Variants in CACNA1I observed in about 807,000 individuals in gnomAD.
CACNA1I encodes the protein voltage-dependent T-type calcium channel subunit alpha-1I.
In CACNA1I, 74 loss-of-function variants were observed where a neutral mutation model predicts 201.6. The ratio of observed to expected loss-of-function variants is 0.37; its 90% CI spans 0.30 to 0.45. CACNA1I has a LOEUF of 0.45. Ranked by LOEUF, CACNA1I falls within the 20% of genes least tolerant of loss-of-function variation. The pLI is 1.00. For missense variants in CACNA1I, 2,346 were observed against 3,138.1 expected (o/e 0.75, Z 6.03); for synonymous variants, 1,431 against 1,345.2 (o/e 1.06, Z -1.40).
At chr22:39,660,106 C>A (rs934567166) in intron 14 of CACNA1I, among the ~76,000 whole-genome samples, 1 of 152,154 alleles carries the variant, frequency 6.6e-6, no homozygotes, top group Non-Finnish European at 1.5e-5. Context: ...CGAAATCCCC[C>A]AAGATTAGGG....
In CACNA1I at chr22:39,634,584, C is replaced by T. The variant is rs1418721578; in HGVS notation, c.600C>T (p.Asn200=). Residue 200 remains asparagine, a synonymous_variant, in exon 5 of 37, where the codon AAC becomes AAT. Coordinates refer to ENST00000402142, the MANE Select transcript of CACNA1I (RefSeq NM_021096.4). ...NRVPSMRILV[N]LLLDTLPMLG... ...TCCCAGGTATGCGGATCCTGGTGAA[C>T]CTGCTCCTGGACACACTGCCCATGC... 6 of 1,613,818 alleles carry T rather than the reference C, an allele frequency of 3.7e-6. No individual in the cohort carries two copies. The Admixed American group carries it at 5.0e-5, about 13-fold the overall frequency.
In CACNA1I at chr22:39,572,100, G is replaced by T. The variant is rs529888106; in HGVS notation, c.236+1112G>T. ...AGGTGAGGCTGCAGGTGTGGCGGGAGCCCTGCAGGGCCTTGGAGGCTGCAT... is the reference window on the plus strand; with the variant it reads ...AGGTGAGGCTGCAGGTGTGGCGGGATCCCTGCAGGGCCTTGGAGGCTGCAT... On this transcript the variant is annotated intron_variant, in intron 1 of 36. Coordinates refer to ENST00000402142, the MANE Select transcript of CACNA1I (RefSeq NM_021096.4). Among the ~76,000 whole-genome samples the T allele has an allele frequency of 5.9e-5, 9 of 152,256 alleles. No individual in the cohort carries two copies. The South Asian group carries it at 1.5e-3, about 25-fold the overall frequency.
At chr22:39,660,877 A>G (rs1008302525) in intron 15 of CACNA1I, among the ~76,000 whole-genome samples, 3 of 152,138 alleles carry the variant, frequency 2.0e-5, no homozygotes, top group African/African-American at 7.2e-5. Flanking sequence ...TTCTGAGCAC[A>G]GAAGGCAAGG....
At chr22:39,599,422 A>G (rs1932971505) in intron 2 of CACNA1I, among the ~76,000 whole-genome samples, 1 of 140,612 alleles carries the variant, frequency 7.1e-6, no homozygotes, top group African/African-American at 2.6e-5. Flanking sequence ...GATCGAGACC[A>G]TCCCGGCTAA....
At chr22:39,619,438 C>T (rs371723205) in intron 4 of CACNA1I, 31 bp downstream of exon 4, 1 of 1,542,184 alleles carries the variant, frequency 6.5e-7, no homozygotes, top group Non-Finnish European at 8.9e-7. Context: ...CCACACATTC[C>T]TGGCTGATCC....
rs745960699 is a variant in CACNA1I, at chr22:39,619,368, C to T, written c.541C>T (p.Arg181Cys). 2.5e-6 allele frequency: 4 copies of T among 1,609,582 alleles called. No homozygotes were observed. Among genetic ancestry groups the T allele is most frequent in the Non-Finnish European group, 3.4e-6 (4 of 1,179,746 alleles). Residue 181 changes from arginine (R) to cysteine (C), a missense_variant, in exon 4 of 37, where the codon CGC becomes TGC. Around this residue, in one of 13 missense-constraint regions of CACNA1I, gnomAD observed 227 missense variants for 412.5 expected, o/e 0.55. Coordinates refer to ENST00000402142, the MANE Select transcript of CACNA1I (RefSeq NM_021096.4). ...NINLSAIRTV[R>C]VLRPLKAINR... ...CAACCTGTCAGCCATCCGCACCGTG[C>T]GCGTCCTGAGGCCCCTCAAAGCCAT...
Position 39,662,128 on chromosome 22 carries a change from C to T in CACNA1I, c.3065C>T (p.Ala1022Val), listed in dbSNP as rs1328512969. 6.6e-7 allele frequency: 1 copy of T among 1,526,620 alleles called. No homozygotes were observed. The highest frequency in any genetic ancestry group is 8.8e-7 in the Non-Finnish European group (1 of 1,140,978). The allele number at this position is 1,526,620 out of a possible 1,614,324, so 94.6% of individuals were successfully genotyped here. ...GGGARVCEVA[A>V]DEGPPRAAPL... ...GGCGCCCGGGTCTGCGAGGTTGCCG[C>T]GGACGAGGGGCCGCCGCGGGCCGCA... The change falls in exon 17 of 37, where the codon GCG becomes GTG. Residue 1022 changes from alanine (A) to valine (V), a missense_variant. Coordinates refer to ENST00000402142, the MANE Select transcript of CACNA1I (RefSeq NM_021096.4).
intron 4 of CACNA1I, among the ~76,000 whole-genome samples, chr22:39,619,736 C>A (rs1275372618): frequency 6.6e-6 from 1 of 152,088 alleles, no homozygotes; most frequent in African/African-American, 2.4e-5. Context: ...AAGGCAAGCA[C>A]CCATAGGAAA....
chr22:39,598,617 A>G (rs1263720921), intron 2 of CACNA1I, among the ~76,000 whole-genome samples: 1 of 151,732 alleles, frequency 6.6e-6, no homozygotes, highest in Non-Finnish European at 1.5e-5. Context: ...TGCACCCGCC[A>G]CATGCACACC....
chr22:39,665,046 C>A lies in CACNA1I; in HGVS notation c.3851+123C>A, dbSNP rs1157452889. Reference sequence around the variant, plus strand: ...CACTCGGTCCTCCAATAGTGAGTGCCAAACACCCTGAGCTGTTCCCGGGGG... The same window carrying A: ...CACTCGGTCCTCCAATAGTGAGTGCAAAACACCCTGAGCTGTTCCCGGGGG... On this transcript the variant is annotated intron_variant, in intron 21 of 36. Coordinates refer to ENST00000402142, the MANE Select transcript of CACNA1I (RefSeq NM_021096.4). This position sits in a 1 kb window ranked among gnomAD's most constrained non-coding sequence, Gnocchi z 5.5. The A allele has an allele frequency of 1.0e-5, 9 of 892,980 alleles. No individual in the cohort carries two copies. Among genetic ancestry groups the A allele is most frequent in the African/African-American group, 1.6e-5 (1 of 60,642 alleles). 55.3% of individuals were successfully genotyped at this position (892,980 alleles called of 1,614,324 possible).
intron 17 of CACNA1I, 74 bp from the exon 18 acceptor site, chr22:39,662,702 G>C: frequency 8.9e-7 from 1 of 1,128,378 alleles, no homozygotes; most frequent in Non-Finnish European, 1.3e-6. Flanking sequence ...CCCAGTTGGC[G>C]CGATGGCCGC....
In CACNA1I at chr22:39,664,725, C is replaced by A; in HGVS notation, c.3667-14C>A. 6.8e-7 allele frequency: 1 copy of A among 1,480,718 alleles called. No individual in the cohort carries two copies. The highest frequency in any genetic ancestry group is 2.4e-5 in the East Asian group (1 of 41,892). The allele number at this position is 1,480,718 out of a possible 1,614,324, so 91.7% of individuals were successfully genotyped here. A position where few individuals can be genotyped will look rare whatever the true frequency, so the allele number is the denominator to read the frequency against. The stretch of plus-strand genomic sequence containing the variant: ...TCCCGCGGCAGCCTGACCCCGGCCC[C>A]ACCCCCGCCCCAGGTAGTCTCGCTG... On this transcript the variant is annotated splice_polypyrimidine_tract_variant and intron_variant, in intron 20 of 36. Coordinates refer to ENST00000402142, the MANE Select transcript of CACNA1I (RefSeq NM_021096.4).
chr22:39,625,694 T>C (rs573544036), intron 4 of CACNA1I, among the ~76,000 whole-genome samples: 11 of 150,700 alleles, frequency 7.3e-5, no homozygotes, highest in Admixed American at 5.9e-4. Flanking sequence ...AGCAGAGAGG[T>C]GGTTGGGGAG....
intron 10 of CACNA1I, among the ~76,000 whole-genome samples, chr22:39,654,770 G>A (rs1161751320): frequency 6.6e-6 from 1 of 152,072 alleles, no homozygotes; most frequent in African/African-American, 2.4e-5. Flanking sequence ...CGAGACAGAG[G>A]GACAGGGACC....
chr22:39,669,717 G>A (rs1601519168), intron 24 of CACNA1I, among the ~76,000 whole-genome samples: 2 of 152,166 alleles, frequency 1.3e-5, no homozygotes, highest in African/African-American at 4.8e-5. Flanking sequence ...ATGGGTGGGT[G>A]AGTGGGAGGA....
intron 3 of CACNA1I, among the ~76,000 whole-genome samples, chr22:39,601,656 A>T (rs997953283): frequency 7.9e-5 from 12 of 151,932 alleles, no homozygotes; most frequent in Admixed American, 7.2e-4. Context: ...AGGAGGTGTG[A>T]CCTTTTTGAT....
intron 5 of CACNA1I, among the ~76,000 whole-genome samples, chr22:39,638,450 C>T (rs1934273493): frequency 6.6e-6 from 1 of 152,200 alleles, no homozygotes; most frequent in South Asian, 2.1e-4. Flanking sequence ...AATGTATACT[C>T]CCACAACAGT....
intron 3 of CACNA1I, among the ~76,000 whole-genome samples, chr22:39,616,610 C>A (rs186516141): frequency 3.2e-3 from 481 of 151,950 alleles, no homozygotes; most frequent in African/African-American, 0.011. Flanking sequence ...ACTAAAAATA[C>A]AAAATTAGCT....
Position 39,624,753 on chromosome 22 carries a change from TG to T in CACNA1I, c.580+5347del, listed in dbSNP as rs532198213. On this transcript the variant is annotated intron_variant, in intron 4 of 36. Transcript: ENST00000402142. ...CAGAGCCACCAGGGGATTAGTGACTTGAGGTGGGGAAGGGGTGGCTCAGGCT... is the reference window on the plus strand; with the variant it reads ...CAGAGCCACCAGGGGATTAGTGACTTAGGTGGGGAAGGGGTGGCTCAGGCT... Among the ~76,000 whole-genome samples, 312 of 152,242 alleles carry T rather than the reference TG, an allele frequency of 2.0e-3. 1 individual carries two copies. The highest frequency in any genetic ancestry group is 7.1e-3 in the African/African-American group (295 of 41,548).
Sources: gnomAD v4.1 joint callset for allele counts (sites outside exome capture counted in the v4.1 genomes callset) on GRCh38, gnomAD v4.1.1 for gene constraint, gnomAD v4.1.1 regional missense constraint, Gnocchi (gnomAD v3.1) non-coding constraint, MANE v1.5 for transcripts, NCBI Gene and HGNC (gene_info 2026-07-23, HGNC 2026-07-21) for gene names.